MIER2: variants seen among roughly 807,000 people sequenced by gnomAD.
MIER2 encodes the protein mesoderm induction early response protein 2.
In MIER2, 30 loss-of-function variants were observed where a neutral mutation model predicts 67.6. That is an observed-to-expected ratio of 0.44 (90% CI 0.33 to 0.60). The LOEUF (loss-of-function observed/expected upper bound fraction) is 0.60. Ranked by LOEUF, MIER2 falls within the 20% of genes least tolerant of loss-of-function variation. The pLI is 0.02. For missense variants in MIER2, 702 were observed against 745.1 expected (o/e 0.94, Z 0.67); for synonymous variants, 372 against 312.6 (o/e 1.19, Z -2.00).
At chr19:328,427 A>G (rs2145486194) in intron 3 of MIER2, among the ~76,000 whole-genome samples, 1 of 147,778 alleles carries the variant, frequency 6.8e-6, no homozygotes, top group Non-Finnish European at 1.5e-5. Context: ...CCTGATTTGA[A>G]AAAAAAAAAA....
At chr19:316,626 G>A (rs1051572975) in intron 7 of MIER2, among the ~76,000 whole-genome samples, 21 of 152,180 alleles carry the variant, frequency 1.4e-4, no homozygotes, top group African/African-American at 2.2e-4. Flanking sequence ...AAGGCAGGGG[G>A]CAGGTAAATT....
At chr19:320,461 A>G (rs1443484536) in intron 7 of MIER2, among the ~76,000 whole-genome samples, 1 of 152,118 alleles carries the variant, frequency 6.6e-6, no homozygotes, top group Non-Finnish European at 1.5e-5. Context: ...AATTAAAAAT[A>G]AATAAATAAA....
At chr19:336,256 G>A (rs1463361977) in intron 1 of MIER2, 83 bp from the exon 2 acceptor site, 4 of 1,123,156 alleles carry the variant, frequency 3.6e-6, no homozygotes, top group Non-Finnish European at 3.9e-6. Flanking sequence ...AAGAGCAAGC[G>A]CTGGTCAGAG....
In MIER2 at chr19:306,640, C is replaced by G. The variant is rs370296227; in HGVS notation, c.*50G>C. ...GGAAGACTGACAGAGGCGGGCCCAG[C>G]GGCAGCGCTAAGTCCAGTCTGGGCC... On this transcript the variant is annotated 3_prime_UTR_variant, in exon 14 of 14. Transcript: ENST00000264819. 1 of 1,549,146 alleles carries G rather than the reference C, an allele frequency of 6.5e-7. No homozygotes were observed. The highest frequency in any genetic ancestry group is 1.4e-5 in the African/African-American group (1 of 72,996).
intron 3 of MIER2, among the ~76,000 whole-genome samples, chr19:332,413 C>T (rs1236150911): frequency 6.6e-6 from 1 of 152,090 alleles, no homozygotes; most frequent in Non-Finnish European, 1.5e-5. Flanking sequence ...AGCGATTCTC[C>T]TGCCTCAGCC....
In MIER2 at chr19:308,916, G is replaced by A. The variant is rs765452913; in HGVS notation, c.994C>T (p.Arg332Trp). The A allele has an allele frequency of 1.3e-5, 21 of 1,602,988 alleles. No individual in the cohort carries two copies. Among genetic ancestry groups the A allele is most frequent in the Non-Finnish European group, 1.7e-5 (20 of 1,171,696 alleles). ...HLIQANKVRT[R>W]SVGECVEYYY... Reference sequence around the variant, plus strand: ...TACTCGACACACTCGCCCACTGACCGTGTGCGCACCTGCGGGGAGGGGTCA... The same window carrying A: ...TACTCGACACACTCGCCCACTGACCATGTGCGCACCTGCGGGGAGGGGTCA... Residue 332 changes from arginine (R) to tryptophan (W), a missense_variant, in exon 11 of 14, where the codon CGG becomes TGG. By Grantham distance (101) the Arg-to-Trp change is moderately radical (BLOSUM62 -3). Coordinates refer to ENST00000264819, the MANE Select transcript of MIER2 (RefSeq NM_017550.3). The surrounding 1 kb of genome is among the most constrained non-coding windows in gnomAD (Gnocchi z 9.1).
intron 7 of MIER2, among the ~76,000 whole-genome samples, chr19:314,568 C>T (rs553569110): frequency 5.3e-5 from 8 of 152,238 alleles, no homozygotes; most frequent in South Asian, 2.1e-4. Context: ...CGGGGGCTGA[C>T]GCGGTAACTA....
chr19:307,902 G>C (rs1029528692), intron 12 of MIER2, among the ~76,000 whole-genome samples: 18 of 119,188 alleles, frequency 1.5e-4, no homozygotes, highest in African/African-American at 7.3e-4. Flanking sequence ...GGCTAATACA[G>C]GGTCTTTGGA....
At chr19:329,253 A>T (rs1971913917) in intron 3 of MIER2, among the ~76,000 whole-genome samples, 1 of 152,162 alleles carries the variant, frequency 6.6e-6, no homozygotes, top group African/African-American at 2.4e-5. Flanking sequence ...GAATATCTAC[A>T]CTGAGTCCCC....
intron 1 of MIER2, among the ~76,000 whole-genome samples, chr19:339,806 G>T (rs997560411): frequency 4.0e-5 from 6 of 151,822 alleles, no homozygotes; most frequent in African/African-American, 7.3e-5. Flanking sequence ...GTGGAAAGGG[G>T]CTGGGAGTTG....
At chr19:321,608 C>T (rs1296425877) in intron 7 of MIER2, among the ~76,000 whole-genome samples, 1 of 151,876 alleles carries the variant, frequency 6.6e-6, no homozygotes, top group Non-Finnish European at 1.5e-5. Flanking sequence ...TATGCCACTG[C>T]ACTCCAGCCT....
intron 2 of MIER2, 66 bp downstream of exon 2, chr19:336,017 C>T: frequency 6.7e-7 from 1 of 1,485,458 alleles, no homozygotes; most frequent in East Asian, 2.3e-5. Context: ...GCCCAGCAGG[C>T]ATTCTGTCTC....
chr19:313,775 G>A (rs1971122622), intron 7 of MIER2, 132 bp from the exon 8 acceptor site: 8 of 1,298,148 alleles, frequency 6.2e-6, no homozygotes, highest in Admixed American at 2.4e-5. Flanking sequence ...CCCAAGCCCT[G>A]GGCCGCCATC....
intron 7 of MIER2, among the ~76,000 whole-genome samples, chr19:321,548 G>T (rs1227243869): frequency 6.6e-6 from 1 of 152,064 alleles, no homozygotes; most frequent in East Asian, 1.9e-4. Context: ...GGGAGGCTGA[G>T]TGGGAGAACT....
chr19:327,811 C>T, intron 4 of MIER2, 53 bp downstream of exon 4: 1 of 1,602,224 alleles, frequency 6.2e-7, no homozygotes, highest in South Asian at 1.1e-5. Flanking sequence ...GAGGCAGCGC[C>T]AGGCCCCCCC....
intron 1 of MIER2, among the ~76,000 whole-genome samples, chr19:336,404 C>A (rs1228814101): frequency 6.6e-6 from 1 of 152,270 alleles, no homozygotes. Flanking sequence ...GCGTTCTCGC[C>A]CAGGGCAGGA....
At chr19:341,352 G>A (rs1321650368) in intron 1 of MIER2, among the ~76,000 whole-genome samples, 1 of 152,180 alleles carries the variant, frequency 6.6e-6, no homozygotes, top group Non-Finnish European at 1.5e-5. Context: ...CCCAGGAGAG[G>A]TGGTCTGCAG....
chr19:311,039 C>A (rs1970977814), intron 10 of MIER2, among the ~76,000 whole-genome samples: 1 of 152,220 alleles, frequency 6.6e-6, no homozygotes, highest in South Asian at 2.1e-4. Flanking sequence ...ATGTCCTGAG[C>A]CGTACAACCA....
intron 3 of MIER2, among the ~76,000 whole-genome samples, chr19:330,002 T>C (rs1241016761): frequency 5.4e-5 from 8 of 148,672 alleles, no homozygotes; most frequent in Non-Finnish European, 1.2e-4. Flanking sequence ...CAAAGTGAGG[T>C]GGTTCCTTCA....
Sources: gnomAD v4.1 joint callset for allele counts (sites outside exome capture counted in the v4.1 genomes callset) on GRCh38, gnomAD v4.1.1 for gene constraint, Gnocchi (gnomAD v3.1) non-coding constraint, MANE v1.5 for transcripts, NCBI Gene and HGNC (gene_info 2026-07-23, HGNC 2026-07-21) for gene names.